The following KCNK13 variants were observed in gnomAD, a reference collection of about 807,000 sequenced individuals.
The protein encoded by KCNK13 is potassium channel subfamily K member 13.
Under a neutral mutation model 23.4 loss-of-function variants are expected in KCNK13, and 12 were observed. The ratio of observed to expected loss-of-function variants is 0.51; its 90% CI spans 0.33 to 0.83. KCNK13 has a LOEUF of 0.83. Among genes scored for constraint, KCNK13 ranks in the 40% least tolerant of loss-of-function variants. KCNK13 has a pLI of 0.02. For missense variants in KCNK13, 463 were observed against 556.3 expected, an observed-to-expected ratio of 0.83 and a Z score of 1.69; for synonymous variants, 231 against 229.5, an observed-to-expected ratio of 1.01 and a Z score of -0.06.
intron 1 of KCNK13, among the ~76,000 whole-genome samples, chr14:90,070,809 TG>T: frequency 6.6e-6 from 1 of 152,300 alleles, no homozygotes. Context: ...AGGAGCAATG[TG>T]TGGTCGTGGG....
chr14:90,165,857 A>T (rs548056301), intron 1 of KCNK13, among the ~76,000 whole-genome samples: 1 of 152,326 alleles, frequency 6.6e-6, no homozygotes, highest in East Asian at 1.9e-4. Context: ...AGCAGAAAAC[A>T]CAGCACTAAA....
chr14:90,135,981 G>C (rs111306029), intron 1 of KCNK13, among the ~76,000 whole-genome samples: 2 of 151,876 alleles, frequency 1.3e-5, no homozygotes, highest in African/African-American at 4.8e-5. Context: ...GGAGCACCAG[G>C]GCACACCCAG....
At chr14:90,113,167 T>C (rs1057354428) in intron 1 of KCNK13, among the ~76,000 whole-genome samples, 1 of 151,986 alleles carries the variant, frequency 6.6e-6, no homozygotes, top group African/African-American at 2.4e-5. Context: ...CAATCTTCTC[T>C]CCCCAGCCTC....
intron 1 of KCNK13, among the ~76,000 whole-genome samples, chr14:90,092,434 A>AG (rs1192081774): frequency 6.6e-6 from 1 of 152,210 alleles, no homozygotes; most frequent in Non-Finnish European, 1.5e-5. Flanking sequence ...TATGAAACAC[A>AG]GATGCAGTAA....
chr14:90,170,204 C>T (rs1292064919), intron 1 of KCNK13, among the ~76,000 whole-genome samples: 1 of 151,908 alleles, frequency 6.6e-6, no homozygotes, highest in Non-Finnish European at 1.5e-5. Flanking sequence ...AATTACAAGC[C>T]TCAATCATTT....
chr14:90,074,745 C>T (rs2140391262), intron 1 of KCNK13, among the ~76,000 whole-genome samples: 1 of 152,242 alleles, frequency 6.6e-6, no homozygotes, highest in East Asian at 1.9e-4. Context: ...TCCACAACCA[C>T]CCTCCAAACA....
intron 1 of KCNK13, among the ~76,000 whole-genome samples, chr14:90,169,995 C>A (rs1018719040): frequency 2.0e-5 from 3 of 152,044 alleles, no homozygotes; most frequent in African/African-American, 7.2e-5. Flanking sequence ...CTTTTTTGTA[C>A]ATGTCTTTTT....
chr14:90,110,701 G>T (rs1365105478), intron 1 of KCNK13, among the ~76,000 whole-genome samples: 1 of 151,556 alleles, frequency 6.6e-6, no homozygotes, highest in Non-Finnish European at 1.5e-5. Flanking sequence ...AATCTTCTGG[G>T]GTACTTACCA....
chr14:90,174,398 G>GC (rs1890399555), intron 1 of KCNK13, among the ~76,000 whole-genome samples: 1 of 152,118 alleles, frequency 6.6e-6, no homozygotes, highest in Non-Finnish European at 1.5e-5. Flanking sequence ...GGAGGAAACT[G>GC]CCCCCATGAT....
chr14:90,140,423 T>C (rs1348918872), intron 1 of KCNK13, among the ~76,000 whole-genome samples: 1 of 152,206 alleles, frequency 6.6e-6, no homozygotes, highest in Non-Finnish European at 1.5e-5. Flanking sequence ...TACAAGGCAG[T>C]AATTTGATAC....
intron 1 of KCNK13, among the ~76,000 whole-genome samples, chr14:90,132,460 C>T (rs1889885511): frequency 6.6e-6 from 1 of 150,658 alleles, no homozygotes; most frequent in African/African-American, 2.4e-5. Context: ...AGAATAATCA[C>T]TTGAACCTAG....
chr14:90,076,717 A>T (rs1889138738), intron 1 of KCNK13, among the ~76,000 whole-genome samples: 1 of 152,198 alleles, frequency 6.6e-6, no homozygotes, highest in Admixed American at 6.5e-5. Flanking sequence ...GGAAAAATAA[A>T]ATATTGTCTG....
chr14:90,099,204 T>G (rs1439642611), intron 1 of KCNK13, among the ~76,000 whole-genome samples: 1 of 152,204 alleles, frequency 6.6e-6, no homozygotes, highest in Non-Finnish European at 1.5e-5. Flanking sequence ...TTTTTAAATA[T>G]GTTAGTCCAC....
At chr14:90,139,388 G>A (rs1414778594) in intron 1 of KCNK13, among the ~76,000 whole-genome samples, 1 of 152,228 alleles carries the variant, frequency 6.6e-6, no homozygotes, top group East Asian at 1.9e-4. Flanking sequence ...AAGGCCCTGT[G>A]GTGGGCCAGC....
At chr14:90,137,461 C>T (rs1050454691) in intron 1 of KCNK13, among the ~76,000 whole-genome samples, 2 of 152,052 alleles carry the variant, frequency 1.3e-5, no homozygotes, top group African/African-American at 2.4e-5. Flanking sequence ...GCTGGGATTA[C>T]AGGCGCCCGC....
intron 1 of KCNK13, among the ~76,000 whole-genome samples, chr14:90,087,150 A>T (rs71415435): frequency 0.12 from 8,593 of 71,770 alleles, 394 homozygotes; most frequent in Non-Finnish European, 0.18. Context: ...ATATATATAT[A>T]TATATTTTTT....
At position 90,062,349 on chromosome 14, in the gene KCNK13, G is replaced by A. The variant is rs1888954191; in HGVS notation, c.144G>A (p.Gln48=). ...CGCTGGAGCTGGCGCACGAGCGCCA[G>A]GCCAAGCAGCGCTGGGAGGAGCGCC... ...FSALELAHER[Q]AKQRWEERLA... The change falls in exon 1 of 2, where the codon CAG becomes CAA. Residue 48 remains glutamine, a synonymous_variant. Transcript: ENST00000282146. The surrounding 1 kb of genome is among the most constrained non-coding windows in gnomAD (Gnocchi z 4.5). 2.6e-6 allele frequency: 4 copies of A among 1,556,860 alleles called. No individual in the cohort carries two copies. Among genetic ancestry groups the A allele is most frequent in the Middle Eastern group, 2.0e-4 (1 of 5,102 alleles).
rs751592725 is a variant in KCNK13 at position 90,062,167 on chromosome 14, G to T, written c.-39G>T. Reference sequence around the variant, plus strand: ...TGTGGGCGAGACTCCGCCGACGCCCGGTGCCGTGGGCCTGGGGGCTGCCCC... The same window carrying T: ...TGTGGGCGAGACTCCGCCGACGCCCTGTGCCGTGGGCCTGGGGGCTGCCCC... On this transcript the variant is annotated 5_prime_UTR_variant, in exon 1 of 2. Coordinates refer to ENST00000282146, the MANE Select transcript of KCNK13 (RefSeq NM_022054.4). This position sits in a 1 kb window ranked among gnomAD's most constrained non-coding sequence, Gnocchi z 4.5. 2 of 1,275,158 alleles carry T rather than the reference G, an allele frequency of 1.6e-6. No homozygotes were observed. Among genetic ancestry groups the T allele is most frequent in the Non-Finnish European group, 2.0e-6 (2 of 992,322 alleles). 79.0% of individuals were successfully genotyped at this position (1,275,158 alleles called of 1,614,324 possible). A position where few individuals can be genotyped will look rare whatever the true frequency, so the allele number is the denominator to read the frequency against.
At chr14:90,120,478 A>G (rs112989828) in intron 1 of KCNK13, among the ~76,000 whole-genome samples, 9,483 of 152,282 alleles carry the variant, frequency 0.062, 411 homozygotes, top group South Asian at 0.16. Flanking sequence ...GAAACTTACA[A>G]TCATGGTGGA....
Sources: allele counts gnomAD v4.1 joint callset (sites outside exome capture counted in the v4.1 genomes callset), GRCh38; gene constraint gnomAD v4.1.1; non-coding constraint Gnocchi (gnomAD v3.1); transcripts MANE v1.5; gene names NCBI Gene and HGNC (gene_info 2026-07-23, HGNC 2026-07-21).